GFPT2: variants seen among roughly 807,000 people sequenced by gnomAD.
GFPT2 encodes the protein glutamine--fructose-6-phosphate transaminase 2.
GFPT2 carries 62 observed loss-of-function variants against 85.6 expected under a neutral mutation model. That is an observed-to-expected ratio of 0.72 (90% CI 0.59 to 0.90). The LOEUF is 0.90. Among genes scored for constraint, GFPT2 ranks in the 40% least tolerant of loss-of-function variants. GFPT2 has a pLI of 0.00. For synonymous variants in GFPT2, 368 were observed against 344.5 expected (o/e 1.07, Z -0.75); for missense variants, 788 against 893.4 (o/e 0.88, Z 1.50).
chr5:180,334,607 C>T (rs1476317882), intron 4 of GFPT2, among the ~76,000 whole-genome samples: 4 of 152,234 alleles, frequency 2.6e-5, no homozygotes, highest in African/African-American at 4.8e-5. Flanking sequence ...AGGCTTGGCA[C>T]GAACTTACAC....
At chr5:180,308,866 G>C (rs1036303610) in intron 15 of GFPT2, among the ~76,000 whole-genome samples, 8 of 148,928 alleles carry the variant, frequency 5.4e-5, no homozygotes, top group Non-Finnish European at 8.9e-5. Flanking sequence ...GATCTCATCA[G>C]AGAAGACTTT....
Position 180,313,948 on chromosome 5 carries a change from G to A in GFPT2, c.1290C>T (p.Thr430=), listed in dbSNP as rs571223936. The A allele has an allele frequency of 1.9e-6, 3 of 1,599,724 alleles. No individual in the cohort carries two copies. Among genetic ancestry groups the A allele is most frequent in the Admixed American group, 1.7e-5 (1 of 59,752 alleles). The change falls in exon 14 of 19, where the codon ACC becomes ACT. Residue 430 remains threonine (T), a synonymous_variant. Coordinates refer to ENST00000253778, the MANE Select transcript of GFPT2 (RefSeq NM_005110.4). ...FISQSGETAD[T]LLALRYCKDR... ...CCTTACAGTAGCGCAGCGCCAGGAGGGTGTCCGCGGTCTCGCCTGCCGCCC... is the reference window on the plus strand; with the variant it reads ...CCTTACAGTAGCGCAGCGCCAGGAGAGTGTCCGCGGTCTCGCCTGCCGCCC...
Position 180,316,944 on chromosome 5 carries a change from C to T in GFPT2, c.1054+19G>A, listed in dbSNP as rs757445714. The T allele has an allele frequency of 3.8e-6, 6 of 1,568,192 alleles. No individual in the cohort carries two copies. The Admixed American group carries it at 5.0e-5, about 13-fold the overall frequency. ...AGACTAGGCTCGGGCGGAGGCTCCCCACCGAGTGTAGGAATTACCTGTGTT... is the reference window on the plus strand; with the variant it reads ...AGACTAGGCTCGGGCGGAGGCTCCCTACCGAGTGTAGGAATTACCTGTGTT... On this transcript the variant is annotated intron_variant, in intron 11 of 18. Transcript: ENST00000253778.
chr5:180,332,633 G>A (rs564160597), intron 4 of GFPT2, among the ~76,000 whole-genome samples: 1 of 152,158 alleles, frequency 6.6e-6, no homozygotes, highest in South Asian at 2.1e-4. Flanking sequence ...TGCCTCCCGG[G>A]TTCAAGCGAT....
chr5:180,336,626 C>G (rs1764406928), intron 2 of GFPT2, 49 bp from the exon 3 acceptor site: 1 of 1,213,776 alleles, frequency 8.2e-7, no homozygotes, highest in African/African-American at 1.5e-5. Context: ...CTTTTTCTCA[C>G]ACACTTGGCA....
chr5:180,314,735 G>A (rs975705319), intron 13 of GFPT2, among the ~76,000 whole-genome samples: 1 of 152,114 alleles, frequency 6.6e-6, no homozygotes, highest in Non-Finnish European at 1.5e-5. Flanking sequence ...TTATGGCACT[G>A]GAGTGTCACG....
At chr5:180,341,584 C>G (rs915389965) in intron 1 of GFPT2, among the ~76,000 whole-genome samples, 1 of 152,122 alleles carries the variant, frequency 6.6e-6, no homozygotes, top group Non-Finnish European at 1.5e-5. Flanking sequence ...TATGTTTGCA[C>G]ATATGTATTA....
chr5:180,344,288 C>A (rs1764569499), intron 1 of GFPT2, among the ~76,000 whole-genome samples: 1 of 152,232 alleles, frequency 6.6e-6, no homozygotes, highest in Non-Finnish European at 1.5e-5. Flanking sequence ...AAGGTAGCCT[C>A]TGAGGTCACT....
Position 180,330,889 on chromosome 5 carries a change from T to A in GFPT2, c.400-55A>T. On this transcript the variant is annotated intron_variant, in intron 5 of 18. Coordinates refer to ENST00000253778, the MANE Select transcript of GFPT2 (RefSeq NM_005110.4). The surrounding 1 kb of genome is among the most constrained non-coding windows in gnomAD (Gnocchi z 4.4). ...GATTGGTCATTGCACAATGCCTGCCTGGCCAACTCCCTCTCCTCCCTGGTG... is the reference window on the plus strand; with the variant it reads ...GATTGGTCATTGCACAATGCCTGCCAGGCCAACTCCCTCTCCTCCCTGGTG... The A allele has an allele frequency of 6.5e-7, 1 of 1,541,046 alleles. No homozygotes were observed. The highest frequency in any genetic ancestry group is 8.9e-7 in the Non-Finnish European group (1 of 1,118,566).
chr5:180,307,851 G>A (rs1763809462), intron 15 of GFPT2, among the ~76,000 whole-genome samples: 1 of 152,256 alleles, frequency 6.6e-6, no homozygotes, highest in South Asian at 2.1e-4. Flanking sequence ...GGTGGCTCAC[G>A]CCTGTAATCG....
At chr5:180,332,390 G>C (rs965844421) in intron 4 of GFPT2, among the ~76,000 whole-genome samples, 1 of 152,160 alleles carries the variant, frequency 6.6e-6, no homozygotes, top group Non-Finnish European at 1.5e-5. Context: ...AAGTAGCTCC[G>C]TTTCCCTCTC....
At chr5:180,322,817 A>T (rs1261769199) in intron 9 of GFPT2, among the ~76,000 whole-genome samples, 8 of 152,132 alleles carry the variant, frequency 5.3e-5, no homozygotes, top group Non-Finnish European at 5.9e-5. Context: ...AGGGCGGATC[A>T]TGAGGTCAGG....
At chr5:180,342,975 A>T (rs1174325275) in intron 1 of GFPT2, among the ~76,000 whole-genome samples, 1 of 152,188 alleles carries the variant, frequency 6.6e-6, no homozygotes, top group Non-Finnish European at 1.5e-5. Flanking sequence ...GGACATGGTC[A>T]AATTGTGGTC....
At position 180,313,073 on chromosome 5, in the gene GFPT2, G is replaced by T. The variant is rs551589577; in HGVS notation, c.1432-529C>A. ...ATTACAGGCCTGAGTCTCCGCACCT[G>T]GCCTAAGTTTTATTTTTGAAGGGAC... On this transcript the variant is annotated intron_variant, in intron 14 of 18. Transcript: ENST00000253778. Among the ~76,000 whole-genome samples the T allele has an allele frequency of 1.6e-4, 24 of 151,738 alleles. No homozygotes were observed. The South Asian group carries it at 4.8e-3, about 30-fold the overall frequency.
chr5:180,313,895 G>C lies in GFPT2; in HGVS notation c.1343C>G (p.Thr448Ser). Residue 448 changes from threonine (T) to serine (S), a missense_variant, in exon 14 of 19, where the codon ACC becomes AGC. Physicochemically the swap from Thr to Ser is moderately conservative, Grantham distance 58. Transcript: ENST00000253778. Reference protein sequence around the residue: ...KDRGALTVGVTNTVGSSISRE... With the variant: ...KDRGALTVGVSNTVGSSISRE... ...AGAGATGGAGCTGCCCACGGTGTTG[G>C]TGACGCCCACGGTGAGAGCGCCGCG... is the stretch of plus-strand genomic sequence containing the variant. 1 of 1,607,170 alleles carries C rather than the reference G, an allele frequency of 6.2e-7. No individual in the cohort carries two copies.
At chr5:180,313,675 G>A (rs996009528) in intron 14 of GFPT2, 132 bp downstream of exon 14, 24 of 539,784 alleles carry the variant, frequency 4.4e-5, no homozygotes, top group Non-Finnish European at 3.4e-5. Context: ...GGAAAGGAGC[G>A]GAGAGAAGGG....
Position 180,312,474 on chromosome 5 carries a change from T to C in GFPT2, c.1502A>G (p.Gln501Arg), listed in dbSNP as rs774084182. Residue 501 changes from glutamine (Q) to arginine (R), a missense_variant, in exon 15 of 19, where the codon CAA becomes CGA. By Grantham distance (43) the Gln-to-Arg change is conservative. Transcript: ENST00000253778. ...ACGGATGATCTCTTGCCTCCTGTTT[T>C]GTAGTGAAATTCGGTCTTCAGACAT... Reference protein sequence around the residue: ...LMMSEDRISLQNRRQEIIRGL... With the variant: ...LMMSEDRISLRNRRQEIIRGL... 1.2e-6 allele frequency: 2 copies of C among 1,610,860 alleles called. No individual in the cohort carries two copies. The highest frequency in any genetic ancestry group is 3.3e-5 in the Admixed American group (2 of 60,032).
At chr5:180,345,859 A>C (rs1307380591) in intron 1 of GFPT2, among the ~76,000 whole-genome samples, 8 of 152,190 alleles carry the variant, frequency 5.3e-5, no homozygotes, top group Non-Finnish European at 1.0e-4. Flanking sequence ...CAAGGACAAG[A>C]GGGACACAGA....
rs3749789 is a variant in GFPT2, at chr5:180,324,402, G to T, written c.677-97C>A. The T allele has an allele frequency of 3.0e-3, 2,273 of 753,062 alleles. 54 individuals are homozygous for T. The East Asian group carries it at 0.05, about 17-fold the overall frequency. The allele number at this position is 753,062 out of a possible 1,614,324, so 46.6% of individuals were successfully genotyped here. ...ATTTCCCCTCTGAATATGTGTGGGA[G>T]AAATTTGCAATTTTTAGCTTTGGCT... On this transcript the variant is annotated intron_variant, in intron 8 of 18. Transcript: ENST00000253778.
Sources: gnomAD v4.1 joint callset for allele counts (sites outside exome capture counted in the v4.1 genomes callset) on GRCh38, gnomAD v4.1.1 for gene constraint, Gnocchi (gnomAD v3.1) non-coding constraint, MANE v1.5 for transcripts, NCBI Gene and HGNC (gene_info 2026-07-23, HGNC 2026-07-21) for gene names.